GRID2: variants seen among roughly 807,000 people sequenced by gnomAD.
GRID2 encodes the protein glutamate ionotropic receptor delta type subunit 2, also known as glutamate receptor ionotropic, delta-2.
A neutral mutation model predicts 114.8 loss-of-function variants in GRID2; 33 were observed. The ratio of observed to expected loss-of-function variants is 0.29; its 90% CI spans 0.22 to 0.38. The LOEUF is 0.38. Among genes scored for constraint, GRID2 ranks in the 10% least tolerant of loss-of-function variants. GRID2 has a pLI of 1.00. For synonymous variants in GRID2, 505 were observed against 449.9 expected, an observed-to-expected ratio of 1.12 and a Z score of -1.55; for missense variants, 1,184 against 1,257.7, an observed-to-expected ratio of 0.94 and a Z score of 0.89.
At chr4:93,083,529 T>G (rs545330181) in intron 2 of GRID2, among the ~76,000 whole-genome samples, 35 of 151,572 alleles carry the variant, frequency 2.3e-4, no homozygotes, top group Middle Eastern at 3.4e-3. Flanking sequence ...CCGTCTCTAC[T>G]AAAAACACAC....
chr4:92,981,263 T>A (rs1439955545), intron 2 of GRID2, among the ~76,000 whole-genome samples: 2 of 152,048 alleles, frequency 1.3e-5, no homozygotes, highest in East Asian at 3.9e-4. Flanking sequence ...GAATAATAAT[T>A]ATTTAGTTCA....
At position 92,329,453 on chromosome 4, in the gene GRID2, C is replaced by T. The variant is rs563490786; in HGVS notation, c.88+24709C>T. 2.0e-4 allele frequency among the ~76,000 whole-genome samples: 31 copies of T among 152,100 alleles called. No individual in the cohort carries two copies. In the South Asian group the frequency reaches 5.8e-3, roughly 28 times the overall value. ...TCTCCCTGCTTGCTCACTTTTAATA[C>T]TCATTTACTTAGTGTCTGTCCTGTT... On this transcript the variant is annotated intron_variant, in intron 1 of 15. Transcript: ENST00000282020.
chr4:93,704,435 A>G (rs1313527572), intron 14 of GRID2, among the ~76,000 whole-genome samples: 2 of 152,046 alleles, frequency 1.3e-5, no homozygotes. Flanking sequence ...ATTTTCTCCC[A>G]TTCTGTAGGT....
At chr4:93,073,913 G>C (rs997123362) in intron 2 of GRID2, among the ~76,000 whole-genome samples, 4 of 152,208 alleles carry the variant, frequency 2.6e-5, no homozygotes, top group African/African-American at 9.6e-5. Context: ...TGAAACGGAG[G>C]CTGGACCAGG....
intron 2 of GRID2, among the ~76,000 whole-genome samples, chr4:92,875,924 C>T (rs1745595277): frequency 6.6e-6 from 1 of 152,054 alleles, no homozygotes; most frequent in Non-Finnish European, 1.5e-5. Context: ...TCTATTAGTT[C>T]AATTGAGGAA....
chr4:92,954,101 A>G (rs1273548926), intron 2 of GRID2, among the ~76,000 whole-genome samples: 1 of 152,178 alleles, frequency 6.6e-6, no homozygotes, highest in Non-Finnish European at 1.5e-5. Flanking sequence ...GCAGACACAC[A>G]CATATATGCA....
intron 8 of GRID2, among the ~76,000 whole-genome samples, chr4:93,291,677 G>A (rs897047055): frequency 6.6e-6 from 1 of 152,164 alleles, no homozygotes; most frequent in Non-Finnish European, 1.5e-5. Flanking sequence ...TATTTTGTTA[G>A]TGTGACAAAC....
chr4:92,975,725 A>T (rs1753831842), intron 2 of GRID2, among the ~76,000 whole-genome samples: 1 of 152,158 alleles, frequency 6.6e-6, no homozygotes, highest in Non-Finnish European at 1.5e-5. Context: ...GCACAGCAGC[A>T]TATCAAGAAA....
intron 2 of GRID2, among the ~76,000 whole-genome samples, chr4:92,725,876 T>C (rs973560774): frequency 1.3e-5 from 2 of 152,148 alleles, no homozygotes; most frequent in Non-Finnish European, 2.9e-5. Context: ...AGCTTTCTGT[T>C]GGGCTTAGCT....
At chr4:93,024,274 A>T (rs1190982050) in intron 2 of GRID2, among the ~76,000 whole-genome samples, 1 of 151,750 alleles carries the variant, frequency 6.6e-6, no homozygotes, top group Non-Finnish European at 1.5e-5. Context: ...TCGGAGACAA[A>T]TGCAGAGAAA....
intron 7 of GRID2, among the ~76,000 whole-genome samples, chr4:93,225,441 A>G (rs1745379144): frequency 6.6e-6 from 1 of 152,002 alleles, no homozygotes; most frequent in Non-Finnish European, 1.5e-5. Flanking sequence ...GACATTTTCC[A>G]TTTGTCTTGT....
chr4:93,529,486 A>G (rs116040339), intron 13 of GRID2, among the ~76,000 whole-genome samples: 557 of 152,296 alleles, frequency 3.7e-3, no homozygotes, highest in African/African-American at 0.013. Flanking sequence ...TTGTAGATTA[A>G]TAAGCTCTTC....
At chr4:93,289,714 C>T (rs1753537368) in intron 8 of GRID2, among the ~76,000 whole-genome samples, 1 of 152,140 alleles carries the variant, frequency 6.6e-6, no homozygotes. Context: ...CACCCTTAGT[C>T]TGTGTTGCTA....
chr4:92,531,785 A>AG (rs1384002014), intron 1 of GRID2, among the ~76,000 whole-genome samples: 2 of 142,602 alleles, frequency 1.4e-5, no homozygotes, highest in Non-Finnish European at 3.2e-5. Flanking sequence ...GATAATTCTC[A>AG]GTTTTTTTTC....
chr4:93,071,889 A>G (rs182593353), intron 2 of GRID2, among the ~76,000 whole-genome samples: 1 of 152,324 alleles, frequency 6.6e-6, no homozygotes, highest in East Asian at 1.9e-4. Context: ...CCATGGAGCT[A>G]TTCAGAAGCA....
chr4:92,924,476 C>A (rs1041493115), intron 2 of GRID2, among the ~76,000 whole-genome samples: 8 of 151,766 alleles, frequency 5.3e-5, no homozygotes, highest in African/African-American at 1.9e-4. Flanking sequence ...AAGAAATCGT[C>A]ACCATTTCTG....
intron 4 of GRID2, among the ~76,000 whole-genome samples, chr4:93,133,092 C>T (rs1235392835): frequency 2.6e-5 from 4 of 152,048 alleles, no homozygotes; most frequent in African/African-American, 9.7e-5. Flanking sequence ...GAAATTATAC[C>T]ATCAACTATT....
At chr4:92,735,747 T>C (rs183033185) in intron 2 of GRID2, among the ~76,000 whole-genome samples, 47 of 152,254 alleles carry the variant, frequency 3.1e-4, no homozygotes, top group Non-Finnish European at 6.2e-4. Context: ...GCTTCTTTTT[T>C]TTATTTTATA....
chr4:93,188,384 A>G (rs984486228), intron 4 of GRID2, among the ~76,000 whole-genome samples: 1 of 152,202 alleles, frequency 6.6e-6, no homozygotes, highest in African/African-American at 2.4e-5. Context: ...AGCAACAGTA[A>G]GACAGGGCAA....
Sources: allele counts gnomAD v4.1 joint callset (sites outside exome capture counted in the v4.1 genomes callset), GRCh38; gene constraint gnomAD v4.1.1; transcripts MANE v1.5; gene names NCBI Gene and HGNC (gene_info 2026-07-23, HGNC 2026-07-21).